Variants in MYO18B observed in about 807,000 individuals in gnomAD.
MYO18B encodes myosin XVIIIB.
A neutral mutation model predicts 273.0 loss-of-function variants in MYO18B; 204 were observed. The observed-to-expected ratio is 0.75, with a 90% CI of 0.67 to 0.84. MYO18B has a LOEUF of 0.84. Among genes scored for constraint, MYO18B ranks in the 40% least tolerant of loss-of-function variants. The probability of loss-of-function intolerance (pLI) is 0.00; values close to 1 mark genes in which losing one functional copy is unlikely to be tolerated. For synonymous variants in MYO18B, 1,330 were observed against 1,305.7 expected (o/e 1.02, Z -0.40); for missense variants, 3,212 against 3,287.6 (o/e 0.98, Z 0.56).
At chr22:25,936,005 G>A (rs899458753) in intron 34 of MYO18B, among the ~76,000 whole-genome samples, 2 of 152,200 alleles carry the variant, frequency 1.3e-5, no homozygotes, top group African/African-American at 4.8e-5. Flanking sequence ...CACGACATGT[G>A]TCGAGTTCAT....
chr22:25,825,442 G>A (rs577959416), intron 13 of MYO18B, among the ~76,000 whole-genome samples: 21 of 152,068 alleles, frequency 1.4e-4, no homozygotes, highest in African/African-American at 4.6e-4. Context: ...CTTAAGGGAC[G>A]GAATTTGTGA....
In MYO18B at chr22:25,908,014, C is replaced by T. The variant is rs945791647; in HGVS notation, c.5149-308C>T. Among the ~76,000 whole-genome samples, 7 of 115,404 alleles carry T rather than the reference C, an allele frequency of 6.1e-5. No individual in the cohort carries two copies. In the Admixed American group the frequency reaches 7.4e-4, roughly 12 times the overall value. 75.7% of individuals were successfully genotyped at this position (115,404 alleles called of 152,430 possible). A position where few individuals can be genotyped will look rare whatever the true frequency, so the allele number is the denominator to read the frequency against. ...CGCCGTGGCACTCCAGCCTAGGCAA[C>T]AAGAGGGAAACTCCATCTCAAAAAA... On this transcript the variant is annotated intron_variant, in intron 31 of 43. Coordinates refer to ENST00000335473, the MANE Select transcript of MYO18B (RefSeq NM_032608.7).
intron 36 of MYO18B, 37 bp from the exon 37 acceptor site, chr22:25,950,330 G>C: frequency 1.3e-6 from 2 of 1,510,672 alleles, no homozygotes. Context: ...TGTGGACTCA[G>C]GGTGATATAT....
chr22:25,922,665 T>C (rs536700116), intron 34 of MYO18B, among the ~76,000 whole-genome samples: 11 of 152,258 alleles, frequency 7.2e-5, no homozygotes, highest in African/African-American at 2.6e-4. Flanking sequence ...CTGGGACCCA[T>C]GTTTCCTGAC....
chr22:26,059,423 A>T, the MYO18B span, among the ~76,000 whole-genome samples: 842 of 152,334 alleles, frequency 5.5e-3, 5 homozygotes, highest in Non-Finnish European at 7.8e-3. Context: ...AAATGCCAGG[A>T]TAAGCATTTC....
At chr22:25,921,815 A>AGTGTGTGT (rs71191088) in intron 34 of MYO18B, among the ~76,000 whole-genome samples, 66 of 130,550 alleles carry the variant, frequency 5.1e-4, no homozygotes, top group Middle Eastern at 3.6e-3. Flanking sequence ...AAATAGCAAT[A>AGTGTGTGT]GTGTGTGTGT....
At chr22:25,776,565 C>A (rs2086921922) in intron 7 of MYO18B, among the ~76,000 whole-genome samples, 1 of 152,062 alleles carries the variant, frequency 6.6e-6, no homozygotes, top group South Asian at 2.1e-4. Context: ...CCATTGTACT[C>A]CAGCCTGGGC....
intron 42 of MYO18B, among the ~76,000 whole-genome samples, chr22:26,024,474 C>G (rs535799035): frequency 5.9e-5 from 9 of 152,212 alleles, no homozygotes; most frequent in Admixed American, 1.3e-4. Context: ...GAATAGCAAG[C>G]CTGATCACAC....
chr22:25,772,101 A>G (rs1006109121), intron 6 of MYO18B, among the ~76,000 whole-genome samples: 3 of 152,232 alleles, frequency 2.0e-5, no homozygotes, highest in Non-Finnish European at 4.4e-5. Flanking sequence ...GCAGGACCAC[A>G]GCGAAGAGGG....
At chr22:25,843,115 C>T (rs2145993589) in intron 17 of MYO18B, among the ~76,000 whole-genome samples, 1 of 152,254 alleles carries the variant, frequency 6.6e-6, no homozygotes, top group South Asian at 2.1e-4. Flanking sequence ...GGGCTTGGCA[C>T]CTTTCACACA....
intron 22 of MYO18B, among the ~76,000 whole-genome samples, chr22:25,870,139 C>T (rs2091007201): frequency 6.6e-6 from 1 of 152,224 alleles, no homozygotes; most frequent in South Asian, 2.1e-4. Flanking sequence ...CGCAAACCTG[C>T]ATTGGTCCAA....
chr22:25,993,606 A>T (rs1453056279), intron 40 of MYO18B, among the ~76,000 whole-genome samples: 1 of 152,194 alleles, frequency 6.6e-6, no homozygotes, highest in East Asian at 1.9e-4. Flanking sequence ...AAGGTCACAC[A>T]GCAAATTAGC....
In MYO18B at chr22:25,851,497, G is replaced by A. The variant is rs1456129894; in HGVS notation, c.3803G>A (p.Arg1268His). 9 of 1,558,302 alleles carry A rather than the reference G, an allele frequency of 5.8e-6. No individual in the cohort carries two copies. The highest frequency in any genetic ancestry group is 4.8e-5 in the East Asian group (2 of 41,488). ...TATGCTGACCACATGGGGCTCACTC[G>A]CTTCCGCCGGCAATTCCAGGTGCTG... ...TGYADHMGLT[R>H]FRRQFQVLDA... is the part of the protein sequence containing the mutation. Residue 1268 changes from arginine to histidine, a missense_variant, in exon 21 of 44, where the codon CGC (arginine) becomes CAC (histidine). Arg to His is a conservative substitution (Grantham distance 29). Coordinates refer to ENST00000335473, the MANE Select transcript of MYO18B (RefSeq NM_032608.7).
intron 17 of MYO18B, among the ~76,000 whole-genome samples, chr22:25,841,085 A>G (rs939030406): frequency 1.3e-5 from 2 of 152,150 alleles, no homozygotes; most frequent in African/African-American, 4.8e-5. Flanking sequence ...TCCTTACCTC[A>G]GGTACATTTG....
Position 25,853,357 on chromosome 22 carries a change from A to C in MYO18B, c.3885+1778A>C, listed in dbSNP as rs1168447215. Among the ~76,000 whole-genome samples the C allele has an allele frequency of 3.3e-5, 5 of 152,348 alleles. No individual in the cohort carries two copies. The East Asian group carries it at 7.7e-4, about 24-fold the overall frequency. On this transcript the variant is annotated intron_variant, in intron 21 of 43. Coordinates refer to ENST00000335473, the MANE Select transcript of MYO18B (RefSeq NM_032608.7). Reference sequence around the variant, plus strand: ...TCTTCTTTGCAGTGGGTACCAGGGCACAGGCCACTTTCAGTAGACAAGGCA... The same window carrying C: ...TCTTCTTTGCAGTGGGTACCAGGGCCCAGGCCACTTTCAGTAGACAAGGCA...
chr22:26,052,253 TG>T, the MYO18B span, among the ~76,000 whole-genome samples: 1 of 152,188 alleles, frequency 6.6e-6, no homozygotes, highest in African/African-American at 2.4e-5. Context: ...GGTTGGAGGA[TG>T]GGATTCCCTC....
At chr22:25,865,619 C>T (rs2090863116) in intron 21 of MYO18B, among the ~76,000 whole-genome samples, 1 of 152,122 alleles carries the variant, frequency 6.6e-6, no homozygotes, top group South Asian at 2.1e-4. Flanking sequence ...CGTTATTGTC[C>T]CCATCTTTCT....
At chr22:25,984,619 G>A (rs1448460175) in intron 39 of MYO18B, among the ~76,000 whole-genome samples, 1 of 123,084 alleles carries the variant, frequency 8.1e-6, no homozygotes, top group African/African-American at 3.1e-5. Flanking sequence ...GCAGGACCCT[G>A]TTTCTACAAA....
chr22:25,826,456 C>A lies in MYO18B; in HGVS notation c.2743C>A (p.Leu915Met), dbSNP rs2089493799. 1 of 1,613,740 alleles carries A rather than the reference C, an allele frequency of 6.2e-7. No individual in the cohort carries two copies. Among genetic ancestry groups the A allele is most frequent in the Admixed American group, 1.7e-5 (1 of 59,990 alleles). ...CTGTGTGGAGGGGATGGCCTCGGGC[C>A]TGTACCAGGAACTCTTTGCGGCTGT... ...VDCVEGMASG[L>M]YQELFAAVVS... The change falls in exon 14 of 44, where the codon CTG (leucine) becomes ATG (methionine). Residue 915 changes from leucine (L) to methionine (M), a missense_variant. Transcript: ENST00000335473.
Sources: allele counts gnomAD v4.1 joint callset (sites outside exome capture counted in the v4.1 genomes callset), GRCh38; gene constraint gnomAD v4.1.1; transcripts MANE v1.5; gene names NCBI Gene and HGNC (gene_info 2026-07-23, HGNC 2026-07-21).